The following TENM3 variants were observed in gnomAD, a reference collection of about 807,000 sequenced individuals.
TENM3 encodes the protein teneurin transmembrane protein 3.
A neutral mutation model predicts 255.1 loss-of-function variants in TENM3; 63 were observed. That is an observed-to-expected ratio of 0.25 (90% confidence interval 0.20 to 0.30). TENM3 has a LOEUF of 0.30. TENM3 is among the 10% of genes least tolerant of loss of function. TENM3 has a pLI of 1.00. For missense variants in TENM3, 2,929 were observed against 3,461.1 expected (o/e 0.85, Z 3.86); for synonymous variants, 1,306 against 1,322.3 (o/e 0.99, Z 0.27).
intron 3 of TENM3, among the ~76,000 whole-genome samples, chr4:182,466,368 C>T (rs1345238389): frequency 1.3e-5 from 2 of 152,164 alleles, no homozygotes; most frequent in Admixed American, 1.3e-4. Flanking sequence ...TTGGCTTGTA[C>T]CTGCATCATT....
At chr4:182,330,353 G>A (rs373470256) in intron 2 of TENM3, among the ~76,000 whole-genome samples, 3 of 152,206 alleles carry the variant, frequency 2.0e-5, no homozygotes, top group South Asian at 2.1e-4. Flanking sequence ...GGATTGAATG[G>A]TGATAAACTG....
intron 2 of TENM3, among the ~76,000 whole-genome samples, chr4:182,337,989 G>C (rs951762965): frequency 6.6e-6 from 1 of 152,152 alleles, no homozygotes; most frequent in African/African-American, 2.4e-5. Flanking sequence ...GACTGGGTAC[G>C]GGAGAGCTTT....
the TENM3 span, among the ~76,000 whole-genome samples, chr4:181,514,015 C>T: frequency 6.6e-6 from 1 of 152,096 alleles, no homozygotes; most frequent in South Asian, 2.1e-4. Flanking sequence ...TATTTAAAAA[C>T]ATGAAATAAA....
chr4:181,778,524 G>A, the TENM3 span, among the ~76,000 whole-genome samples: 54 of 152,210 alleles, frequency 3.5e-4, no homozygotes, highest in African/African-American at 1.1e-3. Flanking sequence ...AGCAGATCCC[G>A]CCGTGTTTCC....
At chr4:182,454,824 C>T (rs77471860) in intron 3 of TENM3, among the ~76,000 whole-genome samples, 2,560 of 152,156 alleles carry the variant, frequency 0.017, 95 homozygotes, top group African/African-American at 0.058. Flanking sequence ...TTTTATTAAA[C>T]GCAGTACAAG....
rs4380559 is a variant in TENM3, at chr4:182,799,283, G to A, written c.7345-313G>A. Among the ~76,000 whole-genome samples, 13,329 of 152,326 alleles carry A rather than the reference G, an allele frequency of 0.088. 794 individuals carry two copies. Among genetic ancestry groups the A allele is most frequent in the Non-Finnish European group, 0.12 (8,099 of 68,022 alleles). On this transcript the variant is annotated intron_variant, in intron 27 of 27. Coordinates refer to ENST00000511685, the MANE Select transcript of TENM3 (RefSeq NM_001080477.4). This position sits in a 1 kb window ranked among gnomAD's most constrained non-coding sequence, Gnocchi z 4.2. ...GCTGGGTTCCCCACGTGGGGTGGGAGTGGGAAAAGAGCATCTAGAAACTGT... is the reference window on the plus strand; with the variant it reads ...GCTGGGTTCCCCACGTGGGGTGGGAATGGGAAAAGAGCATCTAGAAACTGT...
the TENM3 span, among the ~76,000 whole-genome samples, chr4:181,724,553 A>T: frequency 3.9e-5 from 6 of 152,180 alleles, no homozygotes; most frequent in Admixed American, 6.5e-5. Flanking sequence ...TCATAAATAA[A>T]ATATCTTTTT....
the TENM3 span, among the ~76,000 whole-genome samples, chr4:182,054,101 A>G: frequency 6.6e-6 from 1 of 152,136 alleles, no homozygotes; most frequent in Admixed American, 6.5e-5. Flanking sequence ...TACCTTTTCA[A>G]ACTTATCTCT....
At chr4:181,797,744 G>A in the TENM3 span, among the ~76,000 whole-genome samples, 1 of 152,198 alleles carries the variant, frequency 6.6e-6, no homozygotes, top group Non-Finnish European at 1.5e-5. Flanking sequence ...CTAAAAACTG[G>A]ATGAAAATAC....
chr4:182,113,736 GGGAAGAGAGAGACAGAGA>G, the TENM3 span, among the ~76,000 whole-genome samples: 1 of 151,982 alleles, frequency 6.6e-6, no homozygotes, highest in Non-Finnish European at 1.5e-5. Context: ...ACAAGAGAAG[GGGAAGAGAGAGACAGAGA>G]GGAAGAGAGA....
chr4:182,189,449 G>C (rs1411941541), intron 1 of TENM3, among the ~76,000 whole-genome samples: 1 of 152,110 alleles, frequency 6.6e-6, no homozygotes, highest in Non-Finnish European at 1.5e-5. Context: ...TACTTATTTA[G>C]ATGTATGCAC....
intron 3 of TENM3, among the ~76,000 whole-genome samples, chr4:182,382,077 A>G (rs955707726): frequency 1.3e-5 from 2 of 152,258 alleles, no homozygotes; most frequent in Non-Finnish European, 1.5e-5. Context: ...AGGGAATTAT[A>G]TGGTAGTTTG....
At chr4:181,548,686 A>G in the TENM3 span, among the ~76,000 whole-genome samples, 1 of 152,294 alleles carries the variant, frequency 6.6e-6, no homozygotes, top group African/African-American at 2.4e-5. Flanking sequence ...GGAGGAAGAT[A>G]AGAGCCATCT....
the TENM3 span, among the ~76,000 whole-genome samples, chr4:181,734,641 A>T: frequency 6.6e-6 from 1 of 152,166 alleles, no homozygotes; most frequent in Non-Finnish European, 1.5e-5. Context: ...TATGATCAAG[A>T]TTTTCCAAAG....
chr4:182,413,660 G>T (rs574026256), intron 3 of TENM3, among the ~76,000 whole-genome samples: 1 of 151,776 alleles, frequency 6.6e-6, no homozygotes, highest in African/African-American at 2.4e-5. Context: ...CTCCCAAACC[G>T]AAGTGTTCTC....
intron 5 of TENM3, among the ~76,000 whole-genome samples, chr4:182,650,676 A>C (rs1348716271): frequency 6.7e-6 from 1 of 149,148 alleles, no homozygotes; most frequent in Non-Finnish European, 1.5e-5. Flanking sequence ...TCGTATGAAT[A>C]TCTTAAATTA....
the TENM3 span, among the ~76,000 whole-genome samples, chr4:181,970,248 C>T: frequency 3.9e-3 from 591 of 152,156 alleles, 18 homozygotes; most frequent in South Asian, 0.06. Context: ...AATTGCTATA[C>T]GTGAAATTTC....
intron 1 of TENM3, among the ~76,000 whole-genome samples, chr4:182,248,660 T>C (rs1485833275): frequency 6.6e-6 from 1 of 152,194 alleles, no homozygotes; most frequent in Non-Finnish European, 1.5e-5. Flanking sequence ...AGCATCTGCA[T>C]TGAGTGGATT....
the TENM3 span, among the ~76,000 whole-genome samples, chr4:181,578,460 C>T: frequency 4.6e-5 from 7 of 152,168 alleles, no homozygotes; most frequent in African/African-American, 7.2e-5. Flanking sequence ...GCTTCTCTGA[C>T]GTGAGCCCAT....
Sources: gnomAD v4.1 joint callset for allele counts (sites outside exome capture counted in the v4.1 genomes callset) on GRCh38, gnomAD v4.1.1 for gene constraint, Gnocchi (gnomAD v3.1) non-coding constraint, MANE v1.5 for transcripts, NCBI Gene and HGNC (gene_info 2026-07-23, HGNC 2026-07-21) for gene names.